The following CFAP54 variants were observed in gnomAD, a reference collection of about 807,000 sequenced individuals.
CFAP54 encodes the protein cilia and flagella associated protein 54.
CFAP54 carries 290 observed loss-of-function variants against 370.4 expected under a neutral mutation model. That is an observed-to-expected ratio of 0.78 (90% CI 0.71 to 0.86). The LOEUF is 0.86. Among genes scored for constraint, CFAP54 ranks in the 40% least tolerant of loss-of-function variants. The pLI is 0.00. For synonymous variants in CFAP54, 1,206 were observed against 1,236.5 expected (o/e 0.98, Z 0.52); for missense variants, 3,399 against 3,528.7 (o/e 0.96, Z 0.93).
chr12:96,650,018 T>C lies in CFAP54; in HGVS notation c.4818T>C (p.Asn1606=), dbSNP rs1468766261. The C allele has an allele frequency of 8.7e-6, 14 of 1,613,562 alleles. No homozygotes were observed. The highest frequency in any genetic ancestry group is 1.1e-5 in the South Asian group (1 of 90,964). Residue 1606 remains asparagine (N), a synonymous_variant, in exon 35 of 68, where the codon AAT becomes AAC. Transcript: ENST00000524981. The part of the protein sequence containing the change: ...SSAKEKDRGA[N]LCVMDHFMKI... ...CTAAAGAAAAGGACCGAGGAGCAAA[T>C]TTGTGTGTAATGGATCATTTTATGA...
intron 9 of CFAP54, among the ~76,000 whole-genome samples, chr12:96,533,254 A>G (rs777185855): frequency 4.6e-5 from 7 of 152,110 alleles, no homozygotes; most frequent in African/African-American, 9.7e-5. Flanking sequence ...GTGCACGCCA[A>G]TAAGCCTGGC....
intron 22 of CFAP54, 90 bp downstream of exon 22, chr12:96,581,195 G>GCAGATATT (rs1195403957): frequency 7.5e-6 from 7 of 929,138 alleles, no homozygotes; most frequent in Non-Finnish European, 1.0e-5. Flanking sequence ...AAAAATCACA[G>GCAGATATT]CAGATATTCT....
At chr12:96,852,872 T>C (rs964028867) in intron 66 of CFAP54, among the ~76,000 whole-genome samples, 1 of 152,122 alleles carries the variant, frequency 6.6e-6, no homozygotes, top group Non-Finnish European at 1.5e-5. Context: ...TCAGTGTTAC[T>C]AGTTTTCAGG....
chr12:96,784,724 C>T lies in CFAP54; in HGVS notation c.8289C>T (p.Tyr2763=). ...SSYTDYLLDN[Y]QVLFQTSCTF... ...AAAGTTTTTCACTTTCAGACAACTA[C>T]CAAGTCCTCTTCCAGACTTCCTGTA... Residue 2763 remains tyrosine, a synonymous_variant, in exon 61 of 68, where the codon TAC becomes TAT. Coordinates refer to ENST00000524981, the MANE Select transcript of CFAP54 (RefSeq NM_001306084.2). The T allele has an allele frequency of 2.6e-6, 4 of 1,517,954 alleles. No individual in the cohort carries two copies. The South Asian group carries it at 3.7e-5, about 14-fold the overall frequency. The allele number at this position is 1,517,954 out of a possible 1,614,324, so 94.0% of individuals were successfully genotyped here. A position where few individuals can be genotyped will look rare whatever the true frequency, so the allele number is the denominator to read the frequency against.
chr12:96,859,028 C>T (rs1959791881), intron 66 of CFAP54, among the ~76,000 whole-genome samples: 1 of 152,092 alleles, frequency 6.6e-6, no homozygotes, highest in Admixed American at 6.5e-5. Context: ...ACAGTAACCA[C>T]AACAGCATGG....
chr12:96,598,595 G>A (rs757117807), intron 25 of CFAP54, 50 bp from the exon 26 acceptor site: 4 of 553,614 alleles, frequency 7.2e-6, no homozygotes, highest in Non-Finnish European at 6.5e-6. Flanking sequence ...CTAATGAAAT[G>A]AGTAAGGATG....
chr12:96,624,020 CT>C, intron 28 of CFAP54, 139 bp downstream of exon 28: 1 of 576,478 alleles, frequency 1.7e-6, no homozygotes, highest in Non-Finnish European at 3.0e-6. Flanking sequence ...ATCATTAATC[CT>C]AACAATACCC....
chr12:96,728,370 T>G (rs1957869553), intron 50 of CFAP54, among the ~76,000 whole-genome samples: 1 of 152,194 alleles, frequency 6.6e-6, no homozygotes, highest in South Asian at 2.1e-4. Context: ...GAGGCTTTGT[T>G]TGTTTCTTTT....
At chr12:96,512,339 AT>A (rs1565880140) in intron 4 of CFAP54, among the ~76,000 whole-genome samples, 37 of 45,160 alleles carry the variant, frequency 8.2e-4, no homozygotes, top group African/African-American at 3.0e-3. Flanking sequence ...ATATATATAT[AT>A]ATATATATAT....
At chr12:96,825,457 A>ATT (rs1959084724) in intron 65 of CFAP54, among the ~76,000 whole-genome samples, 1 of 116,122 alleles carries the variant, frequency 8.6e-6, no homozygotes, top group African/African-American at 3.7e-5. Flanking sequence ...TATTATATAT[A>ATT]ATATAATATA....
At chr12:96,534,986 C>A (rs1955485955) in intron 11 of CFAP54, among the ~76,000 whole-genome samples, 1 of 148,440 alleles carries the variant, frequency 6.7e-6, no homozygotes. Context: ...TGGATTAGAG[C>A]CACTAAGATT....
At chr12:96,602,345 T>G (rs1159128504) in intron 26 of CFAP54, among the ~76,000 whole-genome samples, 1 of 152,222 alleles carries the variant, frequency 6.6e-6, no homozygotes, top group Non-Finnish European at 1.5e-5. Context: ...TTCTGTTCTT[T>G]TACATTTGCT....
At chr12:96,704,454 A>T (rs11108642) in intron 46 of CFAP54, among the ~76,000 whole-genome samples, 1 of 5,470 alleles carries the variant, frequency 1.8e-4, no homozygotes, top group Non-Finnish European at 3.2e-4. Flanking sequence ...GTATGTGTGT[A>T]TATATATATA....
intron 15 of CFAP54, among the ~76,000 whole-genome samples, chr12:96,550,672 C>G (rs1955685260): frequency 6.6e-6 from 1 of 152,176 alleles, no homozygotes; most frequent in Admixed American, 6.5e-5. Context: ...GGAGAAAACA[C>G]TTAGAGATTT....
At position 96,594,330 on chromosome 12, in the gene CFAP54, T is replaced by C; in HGVS notation, c.3400T>C (p.Leu1134=). The C allele has an allele frequency of 2.0e-6, 3 of 1,535,022 alleles. No homozygotes were observed. The highest frequency in any genetic ancestry group is 3.3e-4 in the Middle Eastern group (2 of 5,980). The change falls in exon 25 of 68, where the codon TTG becomes CTG. Residue 1134 remains leucine, a synonymous_variant. Transcript: ENST00000524981. ...LIECERVLVA[L]ELSNFLNDSS... ...TGAATGTGAGAGAGTATTAGTGGCA[T>C]TGGAACTTAGCAACTTCCTAAATGA...
intron 3 of CFAP54, among the ~76,000 whole-genome samples, chr12:96,506,589 C>CTTTTTTTTTTTTTT (rs71068809): frequency 1.5e-5 from 2 of 130,888 alleles, no homozygotes; most frequent in East Asian, 2.2e-4. Context: ...CTTTTCTTTT[C>CTTTTTTTTTTTTTT]TTTTTTTTTT....
At chr12:96,622,718 G>A (rs1956512552) in intron 27 of CFAP54, among the ~76,000 whole-genome samples, 1 of 152,148 alleles carries the variant, frequency 6.6e-6, no homozygotes, top group African/African-American at 2.4e-5. Flanking sequence ...TGGGAGTAGA[G>A]ACTCTCATCC....
Position 96,518,977 on chromosome 12 carries a change from C to G in CFAP54, c.848C>G (p.Pro283Arg), listed in dbSNP as rs1212528104. Residue 283 changes from proline (P) to arginine (R), a missense_variant, in exon 6 of 68, where the codon CCG (proline) becomes CGG (arginine). By Grantham distance (103) the Pro-to-Arg change is moderately radical (BLOSUM62 -2). Around this residue, in one of 3 missense-constraint regions of CFAP54, gnomAD observed 559 missense variants for 576.7 expected, o/e 0.97. Transcript: ENST00000524981. ...AGCATGTGTATGGAGTCCTTGGTCCCGCTCCTGTCACTCAGGTACTTGACA... is the reference window on the plus strand; with the variant it reads ...AGCATGTGTATGGAGTCCTTGGTCCGGCTCCTGTCACTCAGGTACTTGACA... Reference protein sequence around the residue: ...WASMCMESLVPLLSLRYLTWR... With the variant: ...WASMCMESLVRLLSLRYLTWR... 35 of 1,535,996 alleles carry G rather than the reference C, an allele frequency of 2.3e-5. No homozygotes were observed. In the East Asian group the frequency reaches 2.7e-4, roughly 12 times the overall value.
At chr12:96,638,237 GTGTGTA>G (rs879446181) in intron 32 of CFAP54, among the ~76,000 whole-genome samples, 4,114 of 91,412 alleles carry the variant, frequency 0.045, 70 homozygotes, top group African/African-American at 0.072. Context: ...GTGTGTGTGT[GTGTGTA>G]TATATATATA....
Sources: gnomAD v4.1 joint callset for allele counts (sites outside exome capture counted in the v4.1 genomes callset) on GRCh38, gnomAD v4.1.1 for gene constraint, gnomAD v4.1.1 regional missense constraint, MANE v1.5 for transcripts, NCBI Gene and HGNC (gene_info 2026-07-23, HGNC 2026-07-21) for gene names.